ZNF260: variants seen among roughly 807,000 people sequenced by gnomAD.
ZNF260 encodes zfp-260.
Under a neutral mutation model 29.3 loss-of-function variants are expected in ZNF260, and 21 were observed. That is an observed-to-expected ratio of 0.72 (90% CI 0.51 to 1.03). The LOEUF (loss-of-function observed/expected upper bound fraction) is 1.03, where lower values mean the gene tolerates loss of function less well. Among genes scored for constraint, ZNF260 ranks in the 50% least tolerant of loss-of-function variants. The probability of loss-of-function intolerance (pLI) is 0.00; values close to 1 mark genes in which losing one functional copy is unlikely to be tolerated. For synonymous variants in ZNF260, 156 were observed against 156.8 expected (o/e 0.99, Z 0.04); for missense variants, 465 against 487.8 (o/e 0.95, Z 0.44).
Position 36,515,216 on chromosome 19 carries a change from A to C in ZNF260, c.23T>G (p.Leu8Arg), listed in dbSNP as rs750952880. The change falls in exon 3 of 3, where the codon CTT becomes CGT. Residue 8 changes from leucine (L) to arginine (R), a missense_variant. Transcript: ENST00000523638. Reference sequence around the variant, plus strand: ...CTGAAGGAGATCTGATTCATGCTGAAGACTTTCCAACATGCCTATCATGCA... The same window carrying C: ...CTGAAGGAGATCTGATTCATGCTGACGACTTTCCAACATGCCTATCATGCA... MIGMLESLQHESDLLQHD... is the reference protein window; with the variant it reads MIGMLESRQHESDLLQHD... 15 of 1,582,554 alleles carry C rather than the reference A, an allele frequency of 9.5e-6. No individual in the cohort carries two copies. The African/African-American group carries it at 1.9e-4, about 20-fold the overall frequency.
In ZNF260 at chr19:36,514,937, T is replaced by A. The variant is rs1361140110; in HGVS notation, c.302A>T (p.His101Leu). 2 of 1,614,160 alleles carry A rather than the reference T, an allele frequency of 1.2e-6. No individual in the cohort carries two copies. The highest frequency in any genetic ancestry group is 1.3e-5 in the African/African-American group (1 of 75,072). Reference protein sequence around the residue: ...AFSQKENFLSHQKHHTGEKPY... With the variant: ...AFSQKENFLSLQKHHTGEKPY... The stretch of plus-strand genomic sequence containing the variant: ...TTTCTCTCCAGTGTGATGTTTCTGA[T>A]GAGAAAGGAAGTTTTCCTTCTGGCT... Residue 101 changes from histidine to leucine, a missense_variant, in exon 3 of 3, where the codon CAT becomes CTT. Transcript: ENST00000523638.
At position 36,518,783 on chromosome 19, in the gene ZNF260, C is replaced by T. The variant is rs56903999; in HGVS notation, c.-461-3084G>A. On this transcript the variant is annotated intron_variant, in intron 2 of 2. Coordinates refer to ENST00000523638, the MANE Select transcript of ZNF260 (RefSeq NM_001166037.2). ...AAGAACATTCCATTTAAAAAGATAG[C>T]GGCGAAAGCACATCAATACAAAATT... is the stretch of plus-strand genomic sequence containing the variant. Among the ~76,000 whole-genome samples the T allele has an allele frequency of 3.1e-3, 479 of 152,214 alleles. 18 individuals carry two copies. The East Asian group carries it at 0.083, about 27-fold the overall frequency.
rs543428008 is a variant in ZNF260 at position 36,520,572 on chromosome 19, G to T, written c.-462+4583C>A. On this transcript the variant is annotated intron_variant, in intron 2 of 2. Transcript: ENST00000523638. ...CCAGAACTTTAGAAGGCTAAGGCAGGTGGATCATTTGAGCCCAGCAGTTCA... is the reference window on the plus strand; with the variant it reads ...CCAGAACTTTAGAAGGCTAAGGCAGTTGGATCATTTGAGCCCAGCAGTTCA... Among the ~76,000 whole-genome samples the T allele has an allele frequency of 8.5e-5, 13 of 152,272 alleles. No individual in the cohort carries two copies. In the East Asian group the frequency reaches 1.4e-3, roughly 16 times the overall value.
chr19:36,514,242 C>T lies in ZNF260; in HGVS notation c.997G>A (p.Glu333Lys), dbSNP rs1357810187. Reference sequence around the variant, plus strand: ...AAGGCTTTCCCACAGACCTTACACTCATAAGGCTTATCACCTGTATGAATT... The same window carrying T: ...AAGGCTTTCCCACAGACCTTACACTTATAAGGCTTATCACCTGTATGAATT... The part of the protein sequence containing the change: ...VRIHTGDKPY[E>K]CKVCGKAFCQ... The change falls in exon 3 of 3, where the codon GAG becomes AAG. Residue 333 changes from glutamate (E) to lysine (K), a missense_variant. By Grantham distance (56) the Glu-to-Lys change is moderately conservative. Transcript: ENST00000523638. 1 of 1,614,014 alleles carries T rather than the reference C, an allele frequency of 6.2e-7. No individual in the cohort carries two copies. Among genetic ancestry groups the T allele is most frequent in the South Asian group, 1.1e-5 (1 of 91,074 alleles).
chr19:36,514,822 C>T lies in ZNF260; in HGVS notation c.417G>A (p.Lys139=), dbSNP rs542347271. 1.2e-6 allele frequency: 2 copies of T among 1,613,916 alleles called. No individual in the cohort carries two copies. The highest frequency in any genetic ancestry group is 1.7e-6 in the Non-Finnish European group (2 of 1,180,000). The change falls in exon 3 of 3, where the codon AAG becomes AAA. Residue 139 remains lysine, a synonymous_variant. Transcript: ENST00000523638. ...NHTGTKPYAC[K]ECGKAFNGKA... ...TGCCGTTAAAGGCTTTGCCACATTC[C>T]TTACATGCATAGGGTTTGGTTCCTG...
At chr19:36,524,371 G>A (rs978050185) in intron 2 of ZNF260, among the ~76,000 whole-genome samples, 3 of 151,746 alleles carry the variant, frequency 2.0e-5, no homozygotes, top group Admixed American at 1.3e-4. Context: ...AGTAAAGACG[G>A]GGTTTCACCG....
At position 36,512,514 on chromosome 19, in the gene ZNF260, C is replaced by CT. The variant is rs2034467897; in HGVS notation, c.*1485dup. 1 of 152,124 alleles carries CT rather than the reference C, an allele frequency of 6.6e-6. No individual in the cohort carries two copies. The highest frequency in any genetic ancestry group is 2.4e-5 in the African/African-American group (1 of 41,434). 9.4% of individuals were successfully genotyped at this position (152,124 alleles called of 1,614,324 possible). Reference sequence around the variant, plus strand: ...CTTGGTAACATTTCCCTTCCACCTCCTTTCTTCCTAGAGGTAACCACTCCA... The same window carrying CT: ...CTTGGTAACATTTCCCTTCCACCTCCTTTTCTTCCTAGAGGTAACCACTCCA... On this transcript the variant is annotated 3_prime_UTR_variant, in exon 3 of 3. Coordinates refer to ENST00000523638, the MANE Select transcript of ZNF260 (RefSeq NM_001166037.2).
intron 2 of ZNF260, chr19:36,517,523 G>C (rs1176860006): frequency 6.6e-6 from 1 of 152,248 alleles, no homozygotes; most frequent in Non-Finnish European, 1.5e-5. Context: ...CTGTAACACA[G>C]ATATTGACAG....
chr19:36,515,047 G>A lies in ZNF260; in HGVS notation c.192C>T (p.Cys64=), dbSNP rs769973660. The change falls in exon 3 of 3, where the codon TGC becomes TGT. Residue 64 remains cysteine, a synonymous_variant. Transcript: ENST00000523638. Reference sequence around the variant, plus strand: ...GTAGAGTAAGAGATGAGACTCGAGAGCACACTTTACCACATTCAGTGCATT... The same window carrying A: ...GTAGAGTAAGAGATGAGACTCGAGAACACACTTTACCACATTCAGTGCATT... ...SHECTECGKV[C]SRVSSLTLHL... is the part of the protein sequence containing the mutation. The A allele has an allele frequency of 1.9e-6, 3 of 1,613,934 alleles. No individual in the cohort carries two copies. The African/African-American group carries it at 4.0e-5, about 22-fold the overall frequency.
intron 1 of ZNF260, among the ~76,000 whole-genome samples, chr19:36,525,687 T>C (rs1352290056): frequency 6.6e-6 from 1 of 151,396 alleles, no homozygotes; most frequent in Non-Finnish European, 1.5e-5. Flanking sequence ...CTCAGGAGGC[T>C]GAGGCAAGAG....
chr19:36,524,126 T>G (rs1289297529), intron 2 of ZNF260, among the ~76,000 whole-genome samples: 1 of 152,124 alleles, frequency 6.6e-6, no homozygotes, highest in African/African-American at 2.4e-5. Context: ...TCTTTGAAAG[T>G]TTTTTTATTG....
chr19:36,527,693 A>T (rs1231924882), intron 1 of ZNF260, among the ~76,000 whole-genome samples: 1 of 152,162 alleles, frequency 6.6e-6, no homozygotes, highest in African/African-American at 2.4e-5. Flanking sequence ...AAGAAAAGTC[A>T]ATGCCTACTG....
chr19:36,527,565 G>C (rs1460283614), intron 1 of ZNF260, among the ~76,000 whole-genome samples: 1 of 152,164 alleles, frequency 6.6e-6, no homozygotes, highest in African/African-American at 2.4e-5. Context: ...CTGCGCTAAA[G>C]GCAGGACAAG....
chr19:36,514,291 G>T lies in ZNF260; in HGVS notation c.948C>A (p.Ile316=), dbSNP rs1257045197. ...CNKCGKAFSR[I]TSLIVHVRIH... ...TTCTCACATGTACAATAAGTGATGT[G>T]ATTCGAGAGAAGGCTTTTCCACATT... Residue 316 remains isoleucine (I), a synonymous_variant, in exon 3 of 3, where the codon ATC becomes ATA. Coordinates refer to ENST00000523638, the MANE Select transcript of ZNF260 (RefSeq NM_001166037.2). The T allele has an allele frequency of 1.6e-5, 26 of 1,613,944 alleles. No homozygotes were observed. Among genetic ancestry groups the T allele is most frequent in the Non-Finnish European group, 2.2e-5 (26 of 1,180,002 alleles).
chr19:36,516,761 G>A lies in ZNF260; in HGVS notation c.-461-1062C>T, dbSNP rs548010709. ...GCCCTGCCAATTTTTTGTATTTTTA[G>A]TAGAAACGGGGTTTCACCACGTTGG... On this transcript the variant is annotated intron_variant, in intron 2 of 2. Transcript: ENST00000523638. 9.9e-5 allele frequency among the ~76,000 whole-genome samples: 15 copies of A among 152,198 alleles called. No homozygotes were observed. The South Asian group carries it at 3.1e-3, about 32-fold the overall frequency.
Position 36,512,878 on chromosome 19 carries a change from T to G in ZNF260, c.*1122A>C, listed in dbSNP as rs753386945. 6.6e-6 allele frequency: 1 copy of G among 152,174 alleles called. No homozygotes were observed. The highest frequency in any genetic ancestry group is 2.4e-5 in the African/African-American group (1 of 41,454). The allele number at this position is 152,174 out of a possible 1,614,324, so 9.4% of individuals were successfully genotyped here. On this transcript the variant is annotated 3_prime_UTR_variant, in exon 3 of 3. Coordinates refer to ENST00000523638, the MANE Select transcript of ZNF260 (RefSeq NM_001166037.2). Reference sequence around the variant, plus strand: ...AACTATACAGCTATAGACCAGTACATGACTCCCTGTGTTCATGTTTCTTGG... The same window carrying G: ...AACTATACAGCTATAGACCAGTACAGGACTCCCTGTGTTCATGTTTCTTGG...
chr19:36,515,793 TATC>T (rs1190587479), intron 2 of ZNF260, 94 bp from the exon 3 acceptor site: 2 of 145,062 alleles, frequency 1.4e-5, no homozygotes, highest in Admixed American at 6.9e-5. Flanking sequence ...AGGTTATCAT[TATC>T]ATCAACATAA....
chr19:36,513,914 TTTAA>T lies in ZNF260; in HGVS notation c.*82_*85del. 7.0e-7 allele frequency: 1 copy of T among 1,420,958 alleles called. No homozygotes were observed. Among genetic ancestry groups the T allele is most frequent in the South Asian group, 1.4e-5 (1 of 73,214 alleles). 88.0% of individuals were successfully genotyped at this position (1,420,958 alleles called of 1,614,324 possible). A position where few individuals can be genotyped will look rare whatever the true frequency, so the allele number is the denominator to read the frequency against. ...GAAGGACTTCCCACATTCATGTCACTTTAATGTAAAATGAATTTTCCAATACACT... is the reference window on the plus strand; with the variant it reads ...GAAGGACTTCCCACATTCATGTCACTTGTAAAATGAATTTTCCAATACACT... On this transcript the variant is annotated 3_prime_UTR_variant, in exon 3 of 3. Transcript: ENST00000523638.
chr19:36,520,986 G>A (rs2034636182), intron 2 of ZNF260, among the ~76,000 whole-genome samples: 1 of 151,338 alleles, frequency 6.6e-6, no homozygotes, highest in Non-Finnish European at 1.5e-5. Context: ...GAAGGTTGAG[G>A]TAGGAGGATT....
Sources: gnomAD v4.1 joint callset for allele counts (sites outside exome capture counted in the v4.1 genomes callset) on GRCh38, gnomAD v4.1.1 for gene constraint, MANE v1.5 for transcripts, NCBI Gene and HGNC (gene_info 2026-07-23, HGNC 2026-07-21) for gene names.